Variants in IL18R1 observed in about 807,000 individuals in gnomAD.
IL18R1 encodes interleukin 18 receptor 1, also known as interleukin-18 receptor 1.
In IL18R1, 40 loss-of-function variants were observed where a neutral mutation model predicts 48.5. That is an observed-to-expected ratio of 0.82 (90% CI 0.64 to 1.07). The LOEUF is 1.07. Among genes scored for constraint, IL18R1 ranks in the 50% least tolerant of loss-of-function variants. The pLI, the probability that IL18R1 is intolerant of heterozygous loss-of-function variation, is 0.00. For missense variants in IL18R1, 596 were observed against 633.7 expected (o/e 0.94, Z 0.64); for synonymous variants, 232 against 225.9 (o/e 1.03, Z -0.24).
At chr2:102,362,037 A>G (rs1040975415) in intron 1 of IL18R1, among the ~76,000 whole-genome samples, 3 of 152,194 alleles carry the variant, frequency 2.0e-5, no homozygotes, top group Non-Finnish European at 4.4e-5. Context: ...TCAGTGACAC[A>G]TGTTAGTGAG....
intron 10 of IL18R1, among the ~76,000 whole-genome samples, chr2:102,395,696 T>A (rs1315731141): frequency 1.3e-5 from 2 of 152,238 alleles, no homozygotes; most frequent in Non-Finnish European, 2.9e-5. Flanking sequence ...CTAGGGGCCT[T>A]TCTTGAAAAC....
chr2:102,394,942 C>T (rs755734451), intron 10 of IL18R1, among the ~76,000 whole-genome samples: 8 of 152,122 alleles, frequency 5.3e-5, no homozygotes, highest in South Asian at 2.1e-4. Flanking sequence ...AAATGACCCA[C>T]GGTGAGAATA....
intron 6 of IL18R1, among the ~76,000 whole-genome samples, chr2:102,383,052 CA>C (rs939298596): frequency 2.0e-5 from 3 of 151,784 alleles, no homozygotes; most frequent in Admixed American, 6.6e-5. Flanking sequence ...CTTTTTCCAA[CA>C]AAAAAAATTG....
intron 1 of IL18R1, among the ~76,000 whole-genome samples, chr2:102,360,350 G>A (rs368280259): frequency 2.0e-5 from 3 of 152,116 alleles, no homozygotes; most frequent in Admixed American, 6.5e-5. Flanking sequence ...TGCAAGCTCC[G>A]CCTCCCGGAT....
At position 102,357,610 on chromosome 2, in the gene IL18R1, C is replaced by T. The variant is rs78085029; in HGVS notation, c.-29+1210C>T. On this transcript the variant is annotated intron_variant, in intron 1 of 10. Coordinates refer to ENST00000233957, the MANE Select transcript of IL18R1 (RefSeq NM_003855.5). Reference sequence around the variant, plus strand: ...GCAGAGTGATGGAGACGGGCTTGGACATAGGCATGTGCCATTTGGGGCTGT... The same window carrying T: ...GCAGAGTGATGGAGACGGGCTTGGATATAGGCATGTGCCATTTGGGGCTGT... Among the ~76,000 whole-genome samples, 1,046 of 152,212 alleles carry T rather than the reference C, an allele frequency of 6.9e-3. 46 individuals are homozygous for T. In the East Asian group the frequency reaches 0.14, roughly 20 times the overall value.
chr2:102,365,602 A>G (rs1489451904), intron 2 of IL18R1, among the ~76,000 whole-genome samples: 1 of 152,068 alleles, frequency 6.6e-6, no homozygotes, highest in Non-Finnish European at 1.5e-5. Flanking sequence ...TAACTCCACT[A>G]GCTGTACTCC....
chr2:102,356,002 G>C lies in IL18R1; in HGVS notation c.-427G>C, dbSNP rs909582707. The C allele has an allele frequency of 1.3e-5, 2 of 152,224 alleles. No individual in the cohort carries two copies. The highest frequency in any genetic ancestry group is 2.4e-5 in the African/African-American group (1 of 41,436). The allele number at this position is 152,224 out of a possible 1,614,324, so 9.4% of individuals were successfully genotyped here. A position where few individuals can be genotyped will look rare whatever the true frequency, so the allele number is the denominator to read the frequency against. ...GAGCACCCGGACCGGAGGGTCCCCA[G>C]ACCGGGACCTCCGAGTCAGGGAGGA... On this transcript the variant is annotated 5_prime_UTR_variant, in exon 1 of 11. Coordinates refer to ENST00000233957, the MANE Select transcript of IL18R1 (RefSeq NM_003855.5).
intron 1 of IL18R1, among the ~76,000 whole-genome samples, chr2:102,356,811 T>C (rs966493491): frequency 1.3e-4 from 19 of 151,598 alleles, no homozygotes; most frequent in Admixed American, 3.9e-4. Flanking sequence ...AGTATCCAGC[T>C]ACTAAGTAGT....
At position 102,397,728 on chromosome 2, in the gene IL18R1, T is replaced by C. The variant is rs1680896164; in HGVS notation, c.*842T>C. On this transcript the variant is annotated 3_prime_UTR_variant, in exon 11 of 11. Transcript: ENST00000233957. ...AAACTGATAGTTACTTGCTTGTTTT[T>C]TAAAAATTACATATTAAAAATGCCC... The C allele has an allele frequency of 6.6e-6, 1 of 152,342 alleles. No homozygotes were observed. Among genetic ancestry groups the C allele is most frequent in the African/African-American group, 2.4e-5 (1 of 41,454 alleles). The allele number at this position is 152,342 out of a possible 1,614,324, so 9.4% of individuals were successfully genotyped here. A position where few individuals can be genotyped will look rare whatever the true frequency, so the allele number is the denominator to read the frequency against.
chr2:102,370,310 G>GA (rs906663331), intron 3 of IL18R1, among the ~76,000 whole-genome samples: 1 of 152,130 alleles, frequency 6.6e-6, no homozygotes, highest in Admixed American at 6.5e-5. Context: ...AATGTAGTCT[G>GA]AAAAAATGGG....
chr2:102,375,138 G>A (rs549470935), intron 4 of IL18R1, among the ~76,000 whole-genome samples: 3 of 152,312 alleles, frequency 2.0e-5, no homozygotes, highest in Admixed American at 2.0e-4. Flanking sequence ...TGGGCAGTAG[G>A]TTCTCCTTGC....
rs79098571 is a variant in IL18R1 at position 102,391,577 on chromosome 2, A to G, written c.1111+1360A>G. 2.9e-3 allele frequency among the ~76,000 whole-genome samples: 440 copies of G among 152,314 alleles called. 14 individuals carry two copies. In the East Asian group the frequency reaches 0.069, roughly 24 times the overall value. On this transcript the variant is annotated intron_variant, in intron 9 of 10. Transcript: ENST00000233957. Reference sequence around the variant, plus strand: ...TTTATACATTCATCGTTTCATATGTATGCAGTAGGTCTGAAAGAAAAATTC... The same window carrying G: ...TTTATACATTCATCGTTTCATATGTGTGCAGTAGGTCTGAAAGAAAAATTC...
chr2:102,382,932 G>C (rs1015117630), intron 6 of IL18R1, among the ~76,000 whole-genome samples: 12 of 151,924 alleles, frequency 7.9e-5, no homozygotes, highest in African/African-American at 2.9e-4. Context: ...TTATCCTCTG[G>C]TAGTATATAC....
intron 1 of IL18R1, 126 bp from the exon 2 acceptor site, chr2:102,362,507 G>T: frequency 1.9e-6 from 1 of 537,712 alleles, no homozygotes; most frequent in Admixed American, 3.3e-5. Flanking sequence ...ACTATATTAA[G>T]GATTATAAAA....
chr2:102,364,516 A>G (rs11465575), intron 2 of IL18R1, among the ~76,000 whole-genome samples: 7,733 of 152,270 alleles, frequency 0.051, 558 homozygotes, highest in Admixed American at 0.2. Context: ...TTTGCATGTC[A>G]ATTGAAGCTG....
At chr2:102,363,039 A>G (rs1241739566) in intron 2 of IL18R1, 1 of 186,028 alleles carries the variant, frequency 5.4e-6, no homozygotes, top group African/African-American at 2.3e-5. Context: ...TTATTTAGGT[A>G]ATAATGAGAA....
intron 8 of IL18R1, among the ~76,000 whole-genome samples, chr2:102,387,781 G>A (rs1046443129): frequency 6.6e-6 from 1 of 151,992 alleles, no homozygotes; most frequent in Non-Finnish European, 1.5e-5. Flanking sequence ...AGATGGAGAC[G>A]GAGAGAGACA....
chr2:102,398,635 TTTCTC>T lies in IL18R1; in HGVS notation c.*1752_*1756del, dbSNP rs1427192204. The T allele has an allele frequency of 1.3e-5, 2 of 152,302 alleles. No individual in the cohort carries two copies. The highest frequency in any genetic ancestry group is 6.5e-5 in the Admixed American group (1 of 15,282). The allele number at this position is 152,302 out of a possible 1,614,324, so 9.4% of individuals were successfully genotyped here. On this transcript the variant is annotated 3_prime_UTR_variant, in exon 11 of 11. Coordinates refer to ENST00000233957, the MANE Select transcript of IL18R1 (RefSeq NM_003855.5). The stretch of plus-strand genomic sequence containing the variant: ...CTCTAATACATAGAATGATTTTGCT[TTTCTC>T]TTTTATTATACTTGCTTTAAAATAC...
chr2:102,375,317 ATG>A (rs970625995), intron 4 of IL18R1, among the ~76,000 whole-genome samples: 11 of 152,282 alleles, frequency 7.2e-5, no homozygotes, highest in Admixed American at 1.3e-4. Context: ...ATGTATGGAA[ATG>A]TGTGTGAGAG....
Sources: gnomAD v4.1 joint callset for allele counts (sites outside exome capture counted in the v4.1 genomes callset) on GRCh38, gnomAD v4.1.1 for gene constraint, MANE v1.5 for transcripts, NCBI Gene and HGNC (gene_info 2026-07-23, HGNC 2026-07-21) for gene names.